Variants in LIMCH1 observed in about 807,000 individuals in gnomAD.
LIMCH1 encodes the protein LIM and calponin homology domains-containing protein 1.
Under a neutral mutation model 176.5 loss-of-function variants are expected in LIMCH1, and 113 were observed. The ratio of observed to expected loss-of-function variants is 0.64; its 90% confidence interval spans 0.55 to 0.75. LIMCH1 has a LOEUF of 0.75. LIMCH1 is among the 30% of genes least tolerant of loss of function. The pLI is 0.00. For missense variants in LIMCH1, 1,674 were observed against 1,814.9 expected, an observed-to-expected ratio of 0.92 and a Z score of 1.41; for synonymous variants, 619 against 645.9, an observed-to-expected ratio of 0.96 and a Z score of 0.63.
chr4:41,463,868 T>C lies in LIMCH1; in HGVS notation c.97-30668T>C, dbSNP rs149997068. Among the ~76,000 whole-genome samples the C allele has an allele frequency of 1.2e-3, 185 of 152,170 alleles. 2 individuals carry two copies. Among genetic ancestry groups the C allele is most frequent in the African/African-American group, 4.2e-3 (173 of 41,548 alleles). On this transcript the variant is annotated intron_variant, in intron 1 of 26. Transcript: ENST00000313860. ...TGCTAGGATTACAAGCATGAGCCACTGTGCCCGGTCACATTTTAAACATTT... is the reference window on the plus strand; with the variant it reads ...TGCTAGGATTACAAGCATGAGCCACCGTGCCCGGTCACATTTTAAACATTT...
At chr4:41,542,881 G>A (rs2078858168) in intron 1 of LIMCH1, among the ~76,000 whole-genome samples, 1 of 152,132 alleles carries the variant, frequency 6.6e-6, no homozygotes, top group Non-Finnish European at 1.5e-5. Context: ...AATAAGAACT[G>A]AAAAAATTGT....
chr4:41,529,141 T>C (rs1467928984), intron 3 of LIMCH1, among the ~76,000 whole-genome samples: 1 of 152,212 alleles, frequency 6.6e-6, no homozygotes, highest in African/African-American at 2.4e-5. Flanking sequence ...TTCAGTCTGC[T>C]AGCTCATCAG....
At chr4:41,449,595 C>A (rs758159550) in intron 1 of LIMCH1, among the ~76,000 whole-genome samples, 1 of 152,088 alleles carries the variant, frequency 6.6e-6, no homozygotes, top group African/African-American at 2.4e-5. Context: ...TGCACTTTCC[C>A]GCATGTCTTC....
intron 1 of LIMCH1, among the ~76,000 whole-genome samples, chr4:41,465,075 T>G (rs112030382): frequency 0.011 from 1,751 of 152,310 alleles, 38 homozygotes; most frequent in African/African-American, 0.039. Flanking sequence ...AACTTTTCTT[T>G]TGGACTGCTG....
chr4:41,632,065 C>G (rs2093355395), intron 10 of LIMCH1, among the ~76,000 whole-genome samples: 3 of 152,158 alleles, frequency 2.0e-5, no homozygotes, highest in Non-Finnish European at 4.4e-5. Flanking sequence ...GAGGGAAGAA[C>G]ACCTTTATAG....
At position 41,632,139 on chromosome 4, in the gene LIMCH1, G is replaced by A. The variant is rs564888400; in HGVS notation, c.1602-610G>A. On this transcript the variant is annotated intron_variant, in intron 10 of 31. Transcript: ENST00000503057. Reference sequence around the variant, plus strand: ...TTTTGAGTTCCCAAGCCCTCTTTTGGGGATTTGGTTCTGTGGGCTGGTCTG... The same window carrying A: ...TTTTGAGTTCCCAAGCCCTCTTTTGAGGATTTGGTTCTGTGGGCTGGTCTG... 9.9e-5 allele frequency among the ~76,000 whole-genome samples: 15 copies of A among 152,202 alleles called. No homozygotes were observed. The East Asian group carries it at 2.9e-3, about 29-fold the overall frequency.
chr4:41,577,756 T>C (rs1584380858), intron 1 of LIMCH1, among the ~76,000 whole-genome samples: 2 of 152,186 alleles, frequency 1.3e-5, no homozygotes, highest in East Asian at 3.9e-4. Flanking sequence ...TACACATCTT[T>C]TTGAATATTG....
intron 1 of LIMCH1, among the ~76,000 whole-genome samples, chr4:41,374,531 A>G (rs1288321381): frequency 1.3e-5 from 2 of 150,756 alleles, no homozygotes; most frequent in Non-Finnish European, 3.0e-5. Flanking sequence ...TTTATTTTAA[A>G]CTCTGTGTGT....
chr4:41,573,685 A>G (rs770043444), intron 1 of LIMCH1, among the ~76,000 whole-genome samples: 17 of 152,286 alleles, frequency 1.1e-4, no homozygotes, highest in African/African-American at 4.1e-4. Flanking sequence ...GTGATGAGCA[A>G]TACTGCACAT....
intron 22 of LIMCH1, among the ~76,000 whole-genome samples, chr4:41,674,064 T>A (rs1028130294): frequency 1.3e-5 from 2 of 152,086 alleles, no homozygotes; most frequent in Admixed American, 1.3e-4. Context: ...AGCAAGATCA[T>A]TGTTTCATTC....
intron 1 of LIMCH1, among the ~76,000 whole-genome samples, chr4:41,566,261 C>T (rs545873482): frequency 1.3e-5 from 2 of 152,260 alleles, no homozygotes; most frequent in South Asian, 4.2e-4. Flanking sequence ...CACAAATGGT[C>T]TTAATGGCAT....
At chr4:41,487,869 G>A (rs1356161812) in intron 1 of LIMCH1, among the ~76,000 whole-genome samples, 2 of 150,132 alleles carry the variant, frequency 1.3e-5, no homozygotes, top group African/African-American at 2.4e-5. Context: ...AGCCAGGATG[G>A]TCTCAATCTC....
chr4:41,617,854 C>A (rs1281267068), intron 5 of LIMCH1, among the ~76,000 whole-genome samples: 1 of 152,194 alleles, frequency 6.6e-6, no homozygotes, highest in African/African-American at 2.4e-5. Flanking sequence ...ACTATTATGA[C>A]ATAAAGAGTA....
At chr4:41,550,209 T>A (rs1001375702) in intron 1 of LIMCH1, among the ~76,000 whole-genome samples, 6 of 151,598 alleles carry the variant, frequency 4.0e-5, no homozygotes, top group Admixed American at 3.3e-4. Flanking sequence ...ACTCAAAATT[T>A]GATATAGAAT....
At chr4:41,393,257 TC>T (rs2057446521) in intron 1 of LIMCH1, among the ~76,000 whole-genome samples, 1 of 152,180 alleles carries the variant, frequency 6.6e-6, no homozygotes. Flanking sequence ...ATGTGTACTC[TC>T]CTACCTGCTT....
intron 1 of LIMCH1, among the ~76,000 whole-genome samples, chr4:41,425,298 A>T (rs10008146): frequency 0.19 from 28,921 of 151,944 alleles, 5,586 homozygotes; most frequent in African/African-American, 0.5. Context: ...TTCTTCCTTA[A>T]TCCTCTTCTC....
chr4:41,498,032 G>T (rs746557616), intron 2 of LIMCH1, among the ~76,000 whole-genome samples: 1 of 152,146 alleles, frequency 6.6e-6, no homozygotes, highest in African/African-American at 2.4e-5. Context: ...ACTGCATGTG[G>T]TTGGTGGTCT....
intron 1 of LIMCH1, among the ~76,000 whole-genome samples, chr4:41,589,759 T>C (rs1561847703): frequency 2.0e-5 from 3 of 152,200 alleles, no homozygotes; most frequent in Non-Finnish European, 4.4e-5. Context: ...CTGCTTTCCC[T>C]TGGCTTCTCC....
At chr4:41,445,363 A>G (rs1272579511) in intron 1 of LIMCH1, among the ~76,000 whole-genome samples, 2 of 152,128 alleles carry the variant, frequency 1.3e-5, no homozygotes, top group Non-Finnish European at 2.9e-5. Context: ...GATTGACAGC[A>G]GTTGATTGAT....
Sources: allele counts gnomAD v4.1 joint callset (sites outside exome capture counted in the v4.1 genomes callset), GRCh38; gene constraint gnomAD v4.1.1; transcripts MANE v1.5; gene names NCBI Gene and HGNC (gene_info 2026-07-23, HGNC 2026-07-21).